KCNMB4: variants seen among roughly 807,000 people sequenced by gnomAD.
KCNMB4 encodes potassium calcium-activated channel subfamily M regulatory beta subunit 4, also known as calcium-activated potassium channel subunit beta-4.
Under a neutral mutation model 20.7 loss-of-function variants are expected in KCNMB4, and 3 were observed. That is an observed-to-expected ratio of 0.14 (90% CI 0.07 to 0.37). The LOEUF (loss-of-function observed/expected upper bound fraction) is 0.37, where lower values mean the gene tolerates loss of function less well. Ranked by LOEUF, KCNMB4 falls within the 10% of genes least tolerant of loss-of-function variation. KCNMB4 has a pLI of 1.00. For synonymous variants in KCNMB4, 110 were observed against 113.4 expected, an observed-to-expected ratio of 0.97 and a Z score of 0.19; for missense variants, 168 against 265.9, an observed-to-expected ratio of 0.63 and a Z score of 2.56.
In KCNMB4 at chr12:70,430,760, CAG is replaced by C; in HGVS notation, c.*108_*109del. 8.8e-7 allele frequency: 1 copy of C among 1,134,088 alleles called. No individual in the cohort carries two copies. Among genetic ancestry groups the C allele is most frequent in the Non-Finnish European group, 1.2e-6 (1 of 839,344 alleles). The allele number at this position is 1,134,088 out of a possible 1,614,324, so 70.3% of individuals were successfully genotyped here. On this transcript the variant is annotated 3_prime_UTR_variant, in exon 3 of 3. Transcript: ENST00000258111. Reference sequence around the variant, plus strand: ...GCGCAGGAGATGGACAGGGCCACGACAGGGCTCTGAGAGGCTCATCCCTCAGT... The same window carrying C: ...GCGCAGGAGATGGACAGGGCCACGACGGCTCTGAGAGGCTCATCCCTCAGT...
intron 2 of KCNMB4, among the ~76,000 whole-genome samples, chr12:70,411,335 A>T (rs987838850): frequency 6.6e-6 from 1 of 152,214 alleles, no homozygotes; most frequent in African/African-American, 2.4e-5. Context: ...TTTCATAATG[A>T]TGACACTGAG....
intron 1 of KCNMB4, among the ~76,000 whole-genome samples, chr12:70,392,374 G>A (rs559523364): frequency 3.9e-5 from 6 of 152,286 alleles, no homozygotes; most frequent in Non-Finnish European, 7.4e-5. Context: ...TACACTGTTG[G>A]TGGGAGTGTA....
intron 2 of KCNMB4, among the ~76,000 whole-genome samples, chr12:70,417,307 G>A (rs1017806273): frequency 2.6e-5 from 4 of 152,286 alleles, no homozygotes; most frequent in African/African-American, 4.8e-5. Flanking sequence ...TTAACCAGGC[G>A]CTGGCAGCAG....
chr12:70,370,346 C>T (rs764147836), intron 1 of KCNMB4, among the ~76,000 whole-genome samples: 4 of 147,098 alleles, frequency 2.7e-5, no homozygotes, highest in African/African-American at 1.0e-4. Context: ...CTCGCTCTGT[C>T]GCCCAGGCTG....
intron 2 of KCNMB4, among the ~76,000 whole-genome samples, chr12:70,404,413 G>A (rs1868539042): frequency 6.6e-6 from 1 of 152,152 alleles, no homozygotes; most frequent in Non-Finnish European, 1.5e-5. Context: ...CTGCCATTGT[G>A]AATGACATTT....
intron 1 of KCNMB4, among the ~76,000 whole-genome samples, chr12:70,376,143 T>A (rs978736071): frequency 9.2e-6 from 1 of 108,664 alleles, no homozygotes; most frequent in Admixed American, 1.0e-4. Flanking sequence ...TTAACAATCC[T>A]TTCATGATAA....
intron 1 of KCNMB4, among the ~76,000 whole-genome samples, chr12:70,376,049 C>A (rs1883679265): frequency 6.6e-6 from 1 of 151,078 alleles, no homozygotes; most frequent in Non-Finnish European, 1.5e-5. Flanking sequence ...CGTGCTAAAA[C>A]CAATCAATGT....
At chr12:70,416,126 G>A (rs1488354333) in intron 2 of KCNMB4, among the ~76,000 whole-genome samples, 1 of 152,190 alleles carries the variant, frequency 6.6e-6, no homozygotes, top group East Asian at 1.9e-4. Context: ...GTGTGTCAAT[G>A]AGCTTAGGCT....
In KCNMB4 at chr12:70,370,760, C is replaced by T. The variant is rs111555216; in HGVS notation, c.336+3690C>T. Among the ~76,000 whole-genome samples, 660 of 128,346 alleles carry T rather than the reference C, an allele frequency of 5.1e-3. 5 individuals are homozygous for T. The highest frequency in any genetic ancestry group is 0.019 in the African/African-American group (588 of 31,340). 84.2% of individuals were successfully genotyped at this position (128,346 alleles called of 152,430 possible). A position where few individuals can be genotyped will look rare whatever the true frequency, so the allele number is the denominator to read the frequency against. ...ACATTTGCATTTGCATAATTATATA[C>T]ATTGGATGGCCAAAAAAAAAAAAAG... On this transcript the variant is annotated intron_variant, in intron 1 of 2. Transcript: ENST00000258111.
At chr12:70,387,616 G>C (rs1868268349) in intron 1 of KCNMB4, among the ~76,000 whole-genome samples, 1 of 151,528 alleles carries the variant, frequency 6.6e-6, no homozygotes, top group Non-Finnish European at 1.5e-5. Flanking sequence ...TGGTAAGGCT[G>C]GTGTCAAACT....
intron 2 of KCNMB4, among the ~76,000 whole-genome samples, chr12:70,401,104 C>T (rs1426829110): frequency 1.3e-5 from 2 of 152,194 alleles, no homozygotes; most frequent in Non-Finnish European, 2.9e-5. Context: ...TGGCTCACTG[C>T]AGCCTGCACC....
At chr12:70,371,737 T>C (rs1883599736) in intron 1 of KCNMB4, among the ~76,000 whole-genome samples, 1 of 152,210 alleles carries the variant, frequency 6.6e-6, no homozygotes, top group Admixed American at 6.5e-5. Context: ...AAGATGAATA[T>C]GTTCACTTAA....
At chr12:70,384,873 C>CAAAAAAAAAAAAAA (rs57306622) in intron 1 of KCNMB4, among the ~76,000 whole-genome samples, 9 of 74,282 alleles carry the variant, frequency 1.2e-4, no homozygotes, top group African/African-American at 2.1e-4. Context: ...GACCCTGTCT[C>CAAAAAAAAAAAAAA]AAAAAAAAAA....
chr12:70,415,833 A>G (rs542015552), intron 2 of KCNMB4, among the ~76,000 whole-genome samples: 1 of 152,206 alleles, frequency 6.6e-6, no homozygotes, highest in East Asian at 1.9e-4. Context: ...GCCAAGCATT[A>G]TTCTGGGTAA....
At chr12:70,412,383 C>T (rs764186709) in intron 2 of KCNMB4, among the ~76,000 whole-genome samples, 3 of 152,228 alleles carry the variant, frequency 2.0e-5, no homozygotes, top group Non-Finnish European at 4.4e-5. Context: ...TGTGGAATAG[C>T]TGCCCCTGCC....
intron 2 of KCNMB4, among the ~76,000 whole-genome samples, chr12:70,408,785 T>A (rs113676728): frequency 2.3e-4 from 35 of 151,764 alleles, no homozygotes; most frequent in African/African-American, 7.7e-4. Context: ...TACACTTTTT[T>A]ATTCAGGTAA....
At position 70,431,521 on chromosome 12, in the gene KCNMB4, T is replaced by G. The variant is rs1437439146; in HGVS notation, c.*868T>G. On this transcript the variant is annotated 3_prime_UTR_variant, in exon 3 of 3. Transcript: ENST00000258111. ...CGCTGTTTTCATTTTTTTTTTTTTT[T>G]GTAGGTCAGAAAAAAACAACAAAAT... The G allele has an allele frequency of 6.6e-6, 1 of 151,524 alleles. No homozygotes were observed. Among genetic ancestry groups the G allele is most frequent in the Non-Finnish European group, 1.5e-5 (1 of 67,930 alleles). 9.4% of individuals were successfully genotyped at this position (151,524 alleles called of 1,614,324 possible). A position where few individuals can be genotyped will look rare whatever the true frequency, so the allele number is the denominator to read the frequency against.
intron 1 of KCNMB4, among the ~76,000 whole-genome samples, chr12:70,384,966 G>A (rs1429233558): frequency 1.3e-5 from 2 of 151,508 alleles, no homozygotes; most frequent in Non-Finnish European, 2.9e-5. Context: ...AACATCTATA[G>A]GTCAGTCACT....
At chr12:70,390,731 G>A (rs710659) in intron 1 of KCNMB4, among the ~76,000 whole-genome samples, 86,743 of 151,976 alleles carry the variant, frequency 0.57, 26,111 homozygotes, top group African/African-American at 0.77. Context: ...CCTCCAAAAT[G>A]TGAAGACGCT....
Sources: allele counts gnomAD v4.1 joint callset (sites outside exome capture counted in the v4.1 genomes callset), GRCh38; gene constraint gnomAD v4.1.1; transcripts MANE v1.5; gene names NCBI Gene and HGNC (gene_info 2026-07-23, HGNC 2026-07-21).